The following TRIM71 variants were observed in gnomAD, a reference collection of about 807,000 sequenced individuals.
The protein encoded by TRIM71 is tripartite motif containing 71.
TRIM71 carries 9 observed loss-of-function variants against 61.2 expected under a neutral mutation model. The observed-to-expected ratio is 0.15, with a 90% CI of 0.09 to 0.26. The LOEUF (loss-of-function observed/expected upper bound fraction) is 0.26. Among genes scored for constraint, TRIM71 ranks in the 10% least tolerant of loss-of-function variants. TRIM71 has a pLI of 1.00. For missense variants in TRIM71, 998 were observed against 1,238.7 expected, an observed-to-expected ratio of 0.81 and a Z score of 2.92; for synonymous variants, 645 against 553.2, an observed-to-expected ratio of 1.17 and a Z score of -2.33.
At chr3:32,888,848 G>C (rs1457480831) in intron 3 of TRIM71, among the ~76,000 whole-genome samples, 1 of 152,188 alleles carries the variant, frequency 6.6e-6, no homozygotes, top group African/African-American at 2.4e-5. Context: ...TTAAGAATAT[G>C]AATCTGTCAT....
chr3:32,874,827 T>C (rs1696837311), intron 2 of TRIM71, among the ~76,000 whole-genome samples: 2 of 148,164 alleles, frequency 1.3e-5, no homozygotes. Flanking sequence ...CTTTTATTTA[T>C]TTGTGTTTTT....
At chr3:32,848,702 C>T (rs540297050) in intron 1 of TRIM71, among the ~76,000 whole-genome samples, 1 of 152,230 alleles carries the variant, frequency 6.6e-6, no homozygotes, top group African/African-American at 2.4e-5. Flanking sequence ...CATTTTTGCC[C>T]TTTAAAACAC....
intron 1 of TRIM71, among the ~76,000 whole-genome samples, chr3:32,871,031 G>T (rs1235258814): frequency 1.3e-5 from 2 of 151,402 alleles, no homozygotes; most frequent in African/African-American, 4.9e-5. Context: ...TTCTCAAGGA[G>T]CTTGGACTAC....
chr3:32,858,834 T>C (rs1696634426), intron 1 of TRIM71, among the ~76,000 whole-genome samples: 2 of 152,162 alleles, frequency 1.3e-5, no homozygotes, highest in African/African-American at 4.8e-5. Context: ...TAAAGACTAA[T>C]TTGAGGGCTT....
At chr3:32,873,406 T>C (rs1361394881) in intron 1 of TRIM71, among the ~76,000 whole-genome samples, 2 of 152,188 alleles carry the variant, frequency 1.3e-5, no homozygotes, top group Non-Finnish European at 2.9e-5. Context: ...GGTACATTCT[T>C]ACATCCAGGC....
At position 32,823,572 on chromosome 3, in the gene TRIM71, C is replaced by T. The variant is rs935970405; in HGVS notation, c.852+4640C>T. On this transcript the variant is annotated intron_variant, in intron 1 of 3. Transcript: ENST00000383763. Reference sequence around the variant, plus strand: ...AAGACAAGATATTTGGGGAAAAAAACGTTACTTTTTCTAGACTTCCAGTTC... The same window carrying T: ...AAGACAAGATATTTGGGGAAAAAAATGTTACTTTTTCTAGACTTCCAGTTC... Among the ~76,000 whole-genome samples, 4 of 152,068 alleles carry T rather than the reference C, an allele frequency of 2.6e-5. No homozygotes were observed. In the South Asian group the frequency reaches 6.2e-4, roughly 24 times the overall value.
At chr3:32,882,566 CAG>C (rs1696920685) in intron 2 of TRIM71, among the ~76,000 whole-genome samples, 1 of 152,020 alleles carries the variant, frequency 6.6e-6, no homozygotes, top group African/African-American at 2.4e-5. Context: ...TGTTTTGAGA[CAG>C]AGTCTTGCTC....
chr3:32,846,575 A>G (rs758944454), intron 1 of TRIM71, among the ~76,000 whole-genome samples: 2 of 152,188 alleles, frequency 1.3e-5, no homozygotes, highest in African/African-American at 2.4e-5. Context: ...CATGCTGTGC[A>G]TTAGCTCTTG....
chr3:32,883,685 A>G (rs1696932124), intron 2 of TRIM71, among the ~76,000 whole-genome samples: 1 of 152,228 alleles, frequency 6.6e-6, no homozygotes, highest in Admixed American at 6.5e-5. Flanking sequence ...GTTTGGAGGG[A>G]CAATATTTAA....
intron 1 of TRIM71, among the ~76,000 whole-genome samples, chr3:32,865,433 T>C (rs1696721858): frequency 6.6e-6 from 1 of 152,122 alleles, no homozygotes; most frequent in Non-Finnish European, 1.5e-5. Flanking sequence ...TACACCACCC[T>C]TTCTCAGGCC....
intron 3 of TRIM71, among the ~76,000 whole-genome samples, chr3:32,889,597 T>TTAG (rs1277510247): frequency 6.7e-6 from 1 of 148,636 alleles, no homozygotes; most frequent in East Asian, 1.9e-4. Context: ...ATTATTATTA[T>TTAG]TATTATTTTG....
chr3:32,845,975 T>C (rs1353792776), intron 1 of TRIM71, among the ~76,000 whole-genome samples: 1 of 146,780 alleles, frequency 6.8e-6, no homozygotes, highest in East Asian at 2.4e-4. Flanking sequence ...CCTGGCAGTT[T>C]GCATCCTTTT....
chr3:32,844,096 C>A (rs1027134972), intron 1 of TRIM71, among the ~76,000 whole-genome samples: 1 of 152,104 alleles, frequency 6.6e-6, no homozygotes, highest in African/African-American at 2.4e-5. Context: ...TGCTTTCTCG[C>A]GTCGTCGTTA....
At chr3:32,880,565 C>T (rs1696898373) in intron 2 of TRIM71, among the ~76,000 whole-genome samples, 1 of 152,096 alleles carries the variant, frequency 6.6e-6, no homozygotes, top group South Asian at 2.1e-4. Context: ...GATACAAATC[C>T]TTGAGTTAAT....
At chr3:32,846,188 G>A (rs760564182) in intron 1 of TRIM71, among the ~76,000 whole-genome samples, 2 of 149,664 alleles carry the variant, frequency 1.3e-5, no homozygotes, top group African/African-American at 4.9e-5. Flanking sequence ...GGATTCTCCT[G>A]CCTCAGCCTC....
intron 1 of TRIM71, among the ~76,000 whole-genome samples, chr3:32,834,478 A>G (rs1043796905): frequency 3.9e-4 from 59 of 152,224 alleles, no homozygotes; most frequent in Non-Finnish European, 7.3e-5. Flanking sequence ...TAACATACAC[A>G]GGCATACAAT....
intron 1 of TRIM71, among the ~76,000 whole-genome samples, chr3:32,861,886 C>T (rs538947380): frequency 6.6e-6 from 1 of 152,312 alleles, no homozygotes; most frequent in African/African-American, 2.4e-5. Context: ...CACACCCCAC[C>T]TGAGCCTCGG....
At chr3:32,879,028 C>T (rs1470200174) in intron 2 of TRIM71, among the ~76,000 whole-genome samples, 1 of 152,200 alleles carries the variant, frequency 6.6e-6, no homozygotes, top group Non-Finnish European at 1.5e-5. Context: ...CTTGCTGCAG[C>T]TTCTATATCA....
chr3:32,883,673 A>G (rs953578541), intron 2 of TRIM71, among the ~76,000 whole-genome samples: 4 of 152,222 alleles, frequency 2.6e-5, no homozygotes, highest in Non-Finnish European at 5.9e-5. Flanking sequence ...GTTGAGCCTG[A>G]TGTTTGGAGG....
Sources: gnomAD v4.1 joint callset for allele counts (sites outside exome capture counted in the v4.1 genomes callset) on GRCh38, gnomAD v4.1.1 for gene constraint, MANE v1.5 for transcripts, NCBI Gene and HGNC (gene_info 2026-07-23, HGNC 2026-07-21) for gene names.